The following NALF1 variants were observed in gnomAD, a reference collection of about 807,000 sequenced individuals.
NALF1 encodes the protein family with sequence similarity 155 member A.
Under a neutral mutation model 48.4 loss-of-function variants are expected in NALF1, and 3 were observed. The ratio of observed to expected loss-of-function variants is 0.06; its 90% confidence interval spans 0.03 to 0.16. NALF1 has a LOEUF of 0.16. Ranked by LOEUF, NALF1 falls within the 10% of genes least tolerant of loss-of-function variation. NALF1 has a pLI of 1.00. For missense variants in NALF1, 526 were observed against 571.5 expected, an observed-to-expected ratio of 0.92 and a Z score of 0.81; for synonymous variants, 262 against 245.7, an observed-to-expected ratio of 1.07 and a Z score of -0.62.
intron 1 of NALF1, among the ~76,000 whole-genome samples, chr13:107,773,886 A>T (rs67909603): frequency 0.14 from 20,930 of 152,144 alleles, 1,645 homozygotes; most frequent in Admixed American, 0.23. Flanking sequence ...AATAATAATA[A>T]AAAAATAAAA....
chr13:107,183,493 GTAT>G (rs572539221), intron 2 of NALF1, among the ~76,000 whole-genome samples: 182 of 152,190 alleles, frequency 1.2e-3, no homozygotes, highest in African/African-American at 4.2e-3. Flanking sequence ...CCATTACTGG[GTAT>G]ATACCCAAAG....
At chr13:107,338,797 C>T (rs917502087) in intron 1 of NALF1, among the ~76,000 whole-genome samples, 13 of 152,100 alleles carry the variant, frequency 8.5e-5, no homozygotes, top group South Asian at 2.1e-4. Flanking sequence ...GTTTGCCCCG[C>T]GTGTTTCCCG....
intron 1 of NALF1, among the ~76,000 whole-genome samples, chr13:107,249,001 T>C (rs1880641017): frequency 6.7e-6 from 1 of 149,734 alleles, no homozygotes; most frequent in Non-Finnish European, 1.5e-5. Flanking sequence ...ATATGTTGTG[T>C]AGACTCTAAA....
intron 1 of NALF1, among the ~76,000 whole-genome samples, chr13:107,421,378 T>C (rs1404085633): frequency 6.6e-6 from 1 of 152,212 alleles, no homozygotes; most frequent in Non-Finnish European, 1.5e-5. Context: ...ATTTCTTTAC[T>C]GAGACTATGT....
chr13:107,713,401 T>C (rs899746690), intron 1 of NALF1, among the ~76,000 whole-genome samples: 2 of 152,240 alleles, frequency 1.3e-5, no homozygotes, highest in African/African-American at 4.8e-5. Context: ...CATGTAATGA[T>C]ATGGCTCATA....
intron 1 of NALF1, among the ~76,000 whole-genome samples, chr13:107,312,434 A>C: frequency 1.4e-5 from 2 of 147,540 alleles, no homozygotes; most frequent in South Asian, 2.3e-4. Context: ...GGGTGGGGGA[A>C]GGGGGGAGGG....
intron 1 of NALF1, among the ~76,000 whole-genome samples, chr13:107,499,344 GT>G (rs577059287): frequency 3.1e-3 from 458 of 149,802 alleles, no homozygotes; most frequent in Non-Finnish European, 5.3e-3. Context: ...ATACAATAAA[GT>G]TTTTTTTTTC....
At chr13:107,270,368 C>T (rs1173919332) in intron 1 of NALF1, among the ~76,000 whole-genome samples, 1 of 152,104 alleles carries the variant, frequency 6.6e-6, no homozygotes, top group Non-Finnish European at 1.5e-5. Flanking sequence ...ATAGGAAAAA[C>T]TATACATTTT....
intron 2 of NALF1, among the ~76,000 whole-genome samples, chr13:107,171,939 G>A (rs1878814172): frequency 1.3e-5 from 2 of 152,196 alleles, no homozygotes; most frequent in Non-Finnish European, 2.9e-5. Flanking sequence ...GAAATAACAT[G>A]AAAATTTGGG....
rs567666213 is a variant in NALF1 at position 107,698,054 on chromosome 13, C to T, written c.915+167628G>A. 5.3e-5 allele frequency among the ~76,000 whole-genome samples: 8 copies of T among 152,168 alleles called. No individual in the cohort carries two copies. In the South Asian group the frequency reaches 1.7e-3, roughly 32 times the overall value. ...CACACTGCTCTATATTTTGTTCTTG[C>T]TTTTTTAAATTTCTTCTGGAAATCT... On this transcript the variant is annotated intron_variant, in intron 1 of 2. Coordinates refer to ENST00000375915, the MANE Select transcript of NALF1 (RefSeq NM_001080396.3).
intron 1 of NALF1, among the ~76,000 whole-genome samples, chr13:107,574,026 T>C (rs908149430): frequency 5.9e-5 from 9 of 152,202 alleles, no homozygotes; most frequent in South Asian, 2.1e-4. Context: ...GGACACAGAA[T>C]AGTAGAACAT....
intron 1 of NALF1, among the ~76,000 whole-genome samples, chr13:107,223,569 A>G (rs1263817887): frequency 6.6e-6 from 1 of 152,214 alleles, no homozygotes; most frequent in Non-Finnish European, 1.5e-5. Context: ...CTCATGAACA[A>G]TGGTTCCATA....
At chr13:107,278,637 T>C (rs1881327357) in intron 1 of NALF1, among the ~76,000 whole-genome samples, 1 of 152,234 alleles carries the variant, frequency 6.6e-6, no homozygotes, top group African/African-American at 2.4e-5. Context: ...TAAAGTAGCT[T>C]GTTTACATAA....
At chr13:107,302,181 C>G (rs1403890083) in intron 1 of NALF1, among the ~76,000 whole-genome samples, 1 of 152,094 alleles carries the variant, frequency 6.6e-6, no homozygotes, top group Non-Finnish European at 1.5e-5. Flanking sequence ...CATGTGATGC[C>G]CTGTGCCACC....
intron 1 of NALF1, among the ~76,000 whole-genome samples, chr13:107,847,596 T>C (rs1481581599): frequency 2.0e-5 from 3 of 152,308 alleles, no homozygotes; most frequent in East Asian, 3.9e-4. Context: ...GTAAGCTACT[T>C]TGGAGAGGGT....
intron 1 of NALF1, among the ~76,000 whole-genome samples, chr13:107,282,487 G>C (rs1384585410): frequency 6.6e-6 from 1 of 152,198 alleles, no homozygotes; most frequent in South Asian, 2.1e-4. Flanking sequence ...GTGGCCACTA[G>C]TGAATCTGGC....
chr13:107,861,998 T>C (rs977113268), intron 1 of NALF1, among the ~76,000 whole-genome samples: 8 of 152,206 alleles, frequency 5.3e-5, no homozygotes, highest in African/African-American at 1.4e-4. Context: ...ATAAGCAATA[T>C]AATCTGCTTT....
At chr13:107,694,024 C>T (rs1378308737) in intron 1 of NALF1, among the ~76,000 whole-genome samples, 1 of 152,190 alleles carries the variant, frequency 6.6e-6, no homozygotes, top group African/African-American at 2.4e-5. Flanking sequence ...TAACACCTGA[C>T]TTTGTACTTT....
At chr13:107,672,510 A>G (rs879708399) in intron 1 of NALF1, among the ~76,000 whole-genome samples, 13 of 152,126 alleles carry the variant, frequency 8.5e-5, no homozygotes, top group Non-Finnish European at 1.5e-4. Flanking sequence ...GTGTAGAAAG[A>G]AAACTGATAT....
Sources: gnomAD v4.1 joint callset for allele counts (sites outside exome capture counted in the v4.1 genomes callset) on GRCh38, gnomAD v4.1.1 for gene constraint, MANE v1.5 for transcripts, NCBI Gene and HGNC (gene_info 2026-07-23, HGNC 2026-07-21) for gene names.